Variants in FYN observed in about 807,000 individuals in gnomAD.
FYN encodes FYN proto-oncogene, Src family tyrosine kinase.
In FYN, 10 loss-of-function variants were observed where a neutral mutation model predicts 70.2. That is an observed-to-expected ratio of 0.14 (90% CI 0.09 to 0.24). The LOEUF (loss-of-function observed/expected upper bound fraction) is 0.24. Among genes scored for constraint, FYN ranks in the 10% least tolerant of loss-of-function variants. The probability of loss-of-function intolerance (pLI) is 1.00; values close to 1 mark genes in which losing one functional copy is unlikely to be tolerated. For synonymous variants in FYN, 236 were observed against 248.6 expected (o/e 0.95, Z 0.48); for missense variants, 319 against 673.1 (o/e 0.47, Z 5.82).
At chr6:111,712,070 T>C (rs1800405985) in intron 5 of FYN, among the ~76,000 whole-genome samples, 1 of 152,076 alleles carries the variant, frequency 6.6e-6, no homozygotes, top group Non-Finnish European at 1.5e-5. Flanking sequence ...TCCTTAAGTG[T>C]TTCTCTAAAA....
intron 3 of FYN, among the ~76,000 whole-genome samples, chr6:111,735,858 T>C (rs746852947): frequency 2.6e-5 from 4 of 152,208 alleles, no homozygotes; most frequent in Non-Finnish European, 5.9e-5. Flanking sequence ...AGAATAAAGA[T>C]CTGAAACCAT....
chr6:111,668,387 A>G (rs1316450875), intron 13 of FYN, among the ~76,000 whole-genome samples: 1 of 152,000 alleles, frequency 6.6e-6, no homozygotes, highest in East Asian at 1.9e-4. Context: ...AGCTGTTTTT[A>G]TTCAGCCCAT....
At position 111,771,768 on chromosome 6, in the gene FYN, C is replaced by A. The variant is rs533411892; in HGVS notation, c.-12+8798G>T. The stretch of plus-strand genomic sequence containing the variant: ...AGTCGGAATGGTTAACATAAAGATC[C>A]CGGTTTCCAGTCAGGCATGGCTCGT... On this transcript the variant is annotated intron_variant, in intron 3 of 13. Transcript: ENST00000354650. Among the ~76,000 whole-genome samples the A allele has an allele frequency of 3.3e-5, 5 of 152,284 alleles. No individual in the cohort carries two copies. The East Asian group carries it at 9.6e-4, about 29-fold the overall frequency.
intron 3 of FYN, among the ~76,000 whole-genome samples, chr6:111,769,563 T>C (rs1193006772): frequency 1.3e-5 from 2 of 152,146 alleles, no homozygotes; most frequent in East Asian, 3.8e-4. Flanking sequence ...ACTATTTGAC[T>C]AGTTGGAAAA....
In FYN at chr6:111,696,503, A is replaced by C. The variant is rs756138648; in HGVS notation, c.863-47T>G. On this transcript the variant is annotated intron_variant, in intron 9 of 13. Transcript: ENST00000354650. ...AAGTCAAACCAAAGATCTTCTTTTG[A>C]TGGAAAAAGGTTTTGACCACCAGCT... The C allele has an allele frequency of 9.6e-6, 14 of 1,456,478 alleles. No homozygotes were observed. The South Asian group carries it at 1.9e-4, about 20-fold the overall frequency. 90.2% of individuals were successfully genotyped at this position (1,456,478 alleles called of 1,614,324 possible). A position where few individuals can be genotyped will look rare whatever the true frequency, so the allele number is the denominator to read the frequency against.
chr6:111,801,947 G>T (rs1409704752), intron 2 of FYN, among the ~76,000 whole-genome samples: 3 of 152,222 alleles, frequency 2.0e-5, no homozygotes, highest in South Asian at 4.1e-4. Flanking sequence ...TGACAATGAA[G>T]GGAATAGAGA....
chr6:111,857,157 A>G (rs1164413476), intron 1 of FYN, among the ~76,000 whole-genome samples: 2 of 152,216 alleles, frequency 1.3e-5, no homozygotes, highest in Non-Finnish European at 2.9e-5. Flanking sequence ...AAAAATGAAG[A>G]GCATTTCCCC....
intron 3 of FYN, among the ~76,000 whole-genome samples, chr6:111,734,370 T>G (rs982925799): frequency 6.6e-6 from 1 of 152,184 alleles, no homozygotes; most frequent in Admixed American, 6.5e-5. Context: ...AGAGTTTTAA[T>G]GATGTGAGAA....
intron 3 of FYN, among the ~76,000 whole-genome samples, chr6:111,773,043 T>A (rs1199498805): frequency 6.6e-6 from 1 of 151,128 alleles, no homozygotes; most frequent in East Asian, 1.9e-4. Context: ...AGGTAAAGTG[T>A]CAAGATGTTT....
intron 3 of FYN, among the ~76,000 whole-genome samples, chr6:111,771,584 T>C (rs1803453415): frequency 6.6e-6 from 1 of 152,090 alleles, no homozygotes; most frequent in African/African-American, 2.4e-5. Context: ...TAAAAGAGGA[T>C]GTTAAAAACA....
chr6:111,851,175 G>A (rs1202372614), intron 1 of FYN, among the ~76,000 whole-genome samples: 1 of 152,232 alleles, frequency 6.6e-6, no homozygotes, highest in Non-Finnish European at 1.5e-5. Flanking sequence ...GAGGACAGCA[G>A]AGGTGGCTGG....
intron 2 of FYN, among the ~76,000 whole-genome samples, chr6:111,815,832 T>C (rs1772472491): frequency 6.6e-6 from 1 of 151,166 alleles, no homozygotes; most frequent in African/African-American, 2.4e-5. Flanking sequence ...TCCTCCCACC[T>C]CAGCCTCACA....
chr6:111,685,274 T>C (rs1270411622), intron 12 of FYN, among the ~76,000 whole-genome samples: 2 of 152,248 alleles, frequency 1.3e-5, no homozygotes, highest in Non-Finnish European at 2.9e-5. Context: ...TCTGACTTCA[T>C]GCCACATGAC....
At chr6:111,670,814 A>G (rs1432152582) in intron 13 of FYN, among the ~76,000 whole-genome samples, 1 of 152,162 alleles carries the variant, frequency 6.6e-6, no homozygotes, top group Admixed American at 6.5e-5. Context: ...CAGAGGGGAA[A>G]AGAAGGATTT....
intron 3 of FYN, among the ~76,000 whole-genome samples, chr6:111,749,479 T>G (rs1802391485): frequency 6.6e-6 from 1 of 152,192 alleles, no homozygotes; most frequent in Non-Finnish European, 1.5e-5. Context: ...AAAACTTAAA[T>G]GCACCTTAAT....
intron 2 of FYN, among the ~76,000 whole-genome samples, chr6:111,836,584 G>C (rs1237349850): frequency 6.6e-6 from 1 of 152,146 alleles, no homozygotes; most frequent in Non-Finnish European, 1.5e-5. Flanking sequence ...GGGCAACATA[G>C]GGAGACACTG....
Position 111,694,888 on chromosome 6 carries a change from C to T in FYN, c.1043-184G>A, listed in dbSNP as rs115315762. 3.8e-3 allele frequency among the ~76,000 whole-genome samples: 586 copies of T among 152,266 alleles called. 4 individuals are homozygous for T. The highest frequency in any genetic ancestry group is 0.013 in the African/African-American group (560 of 41,570). ...AAAAAGTATAGGCATGGAGAAGTAA[C>T]AGTTACCTTTTAAAAACAAACAGCA... On this transcript the variant is annotated intron_variant, in intron 10 of 13. Coordinates refer to ENST00000354650, the MANE Select transcript of FYN (RefSeq NM_002037.5). This position sits in a 1 kb window ranked among gnomAD's most constrained non-coding sequence, Gnocchi z 5.0.
At chr6:111,689,454 G>A (rs767210464) in intron 12 of FYN, among the ~76,000 whole-genome samples, 1 of 152,178 alleles carries the variant, frequency 6.6e-6, no homozygotes, top group Non-Finnish European at 1.5e-5. Context: ...AATTCCACTG[G>A]AGAACACAGC....
chr6:111,849,201 G>T (rs1378588147), intron 1 of FYN, among the ~76,000 whole-genome samples: 2 of 152,188 alleles, frequency 1.3e-5, no homozygotes, highest in African/African-American at 2.4e-5. Context: ...AGTGGAAAAG[G>T]CTGATCCATT....
Sources: gnomAD v4.1 joint callset for allele counts (sites outside exome capture counted in the v4.1 genomes callset) on GRCh38, gnomAD v4.1.1 for gene constraint, Gnocchi (gnomAD v3.1) non-coding constraint, MANE v1.5 for transcripts, NCBI Gene and HGNC (gene_info 2026-07-23, HGNC 2026-07-21) for gene names.